The following COPG2 variants were observed in gnomAD, a reference collection of about 807,000 sequenced individuals.
COPG2 encodes coat protein complex I subunit gamma 2, also known as coatomer subunit gamma-2.
Under a neutral mutation model 46.3 loss-of-function variants are expected in COPG2, and 37 were observed. That is an observed-to-expected ratio of 0.80 (90% confidence interval 0.61 to 1.05). The LOEUF is 1.05. COPG2 is among the 50% of genes least tolerant of loss of function. COPG2 has a pLI of 0.00. For synonymous variants in COPG2, 159 were observed against 129.7 expected, an observed-to-expected ratio of 1.23 and a Z score of -1.53; for missense variants, 427 against 387.8, an observed-to-expected ratio of 1.10 and a Z score of -0.85.
chr7:130,620,160 G>GAA (rs1554453408), intron 5 of COPG2, among the ~76,000 whole-genome samples: 10 of 152,138 alleles, frequency 6.6e-5, no homozygotes, highest in African/African-American at 2.4e-4. Context: ...AATGTCAAAA[G>GAA]TTTTGCCCTC....
At chr7:130,511,050 G>T (rs1799587002) in intron 20 of COPG2, 2 of 503,006 alleles carry the variant, frequency 4.0e-6, no homozygotes, top group African/African-American at 3.9e-5. Flanking sequence ...AGATTTGTAT[G>T]AAAAGAACCC....
chr7:130,644,913 T>C (rs1554457887), intron 5 of COPG2, among the ~76,000 whole-genome samples: 2 of 151,612 alleles, frequency 1.3e-5, no homozygotes, highest in Admixed American at 6.6e-5. Flanking sequence ...AATACAAAAA[T>C]TAGCCGGGTG....
At chr7:130,640,657 C>A (rs1267986365) in intron 5 of COPG2, among the ~76,000 whole-genome samples, 6 of 152,038 alleles carry the variant, frequency 3.9e-5, no homozygotes, top group Non-Finnish European at 7.4e-5. Context: ...AAGTGTTAAT[C>A]CAAATAAATC....
intron 5 of COPG2, among the ~76,000 whole-genome samples, chr7:130,631,055 G>A (rs1358246749): frequency 2.0e-5 from 3 of 152,052 alleles, no homozygotes; most frequent in Non-Finnish European, 4.4e-5. Context: ...TTTAATTGAA[G>A]TGTTTAGAAT....
chr7:130,537,206 T>C (rs963559014), intron 20 of COPG2, among the ~76,000 whole-genome samples: 91 of 152,066 alleles, frequency 6.0e-4, no homozygotes, highest in African/African-American at 2.1e-3. Context: ...AGAGTGTTTT[T>C]CCACAGTGTG....
intron 9 of COPG2, chr7:130,610,673 C>A: frequency 1.7e-6 from 1 of 580,058 alleles, no homozygotes. Flanking sequence ...TGCCAACTTT[C>A]ATATTTAATT....
rs1026148498 is a variant in COPG2 at position 130,523,843 on chromosome 7, A to G, written c.2150-15184T>C. Among the ~76,000 whole-genome samples, 20 of 152,138 alleles carry G rather than the reference A, an allele frequency of 1.3e-4. No homozygotes were observed. In the East Asian group the frequency reaches 3.9e-3, roughly 30 times the overall value. ...GAGCGTCTTGAAGACATCGGTGCTA[A>G]GGAGGGAGGAGGCAGGAGGAGGGTG... On this transcript the variant is annotated intron_variant, in intron 20 of 23. Transcript: ENST00000425248.
chr7:130,590,825 GC>G (rs1165725241), intron 9 of COPG2, among the ~76,000 whole-genome samples: 9 of 150,530 alleles, frequency 6.0e-5, no homozygotes, highest in Non-Finnish European at 1.2e-4. Context: ...CCTCTGCCCT[GC>G]CCCCCCGTCT....
intron 9 of COPG2, chr7:130,608,185 T>C (rs1273701798): frequency 1.1e-5 from 5 of 452,302 alleles, no homozygotes; most frequent in Admixed American, 9.9e-5. Context: ...CTTATCACAG[T>C]GTATCATCAA....
chr7:130,557,815 C>A (rs2116396742), intron 12 of COPG2, among the ~76,000 whole-genome samples: 1 of 40 alleles, frequency 0.025, no homozygotes, highest in South Asian at 0.25. Flanking sequence ...GAAACTCCAT[C>A]TCAAAAAAAA....
intron 20 of COPG2, chr7:130,509,090 A>C (rs1554440655): frequency 4.4e-6 from 2 of 453,614 alleles, no homozygotes; most frequent in African/African-American, 4.1e-5. Flanking sequence ...ATTAACATTG[A>C]CCAATCTCAT....
In COPG2 at chr7:130,525,437, T is replaced by C. The variant is rs978590640; in HGVS notation, c.2150-16778A>G. ...AATGACTCAGGTTAAATGAAGGAAA[T>C]AGCATCACTGCATGGTAAGATGGCA... On this transcript the variant is annotated intron_variant, in intron 20 of 23. Coordinates refer to ENST00000425248, the MANE Select transcript of COPG2 (RefSeq NM_012133.6). Among the ~76,000 whole-genome samples, 300 of 152,152 alleles carry C rather than the reference T, an allele frequency of 2.0e-3. 4 individuals are homozygous for C. The highest frequency in any genetic ancestry group is 6.7e-3 in the African/African-American group (280 of 41,492).
chr7:130,607,356 G>C (rs1412855194), intron 9 of COPG2: 1 of 373,724 alleles, frequency 2.7e-6, no homozygotes, highest in Non-Finnish European at 5.2e-6. Context: ...ATCATATCAG[G>C]GTTAGTTTCT....
intron 9 of COPG2, among the ~76,000 whole-genome samples, chr7:130,579,827 G>C (rs1177446099): frequency 6.6e-6 from 1 of 152,112 alleles, no homozygotes; most frequent in Non-Finnish European, 1.5e-5. Flanking sequence ...CAATACAGGA[G>C]CACCCAGATT....
intron 20 of COPG2, among the ~76,000 whole-genome samples, chr7:130,537,831 G>A (rs920588670): frequency 1.3e-5 from 2 of 152,180 alleles, no homozygotes; most frequent in African/African-American, 2.4e-5. Flanking sequence ...GGTAAGACAC[G>A]GAAGGAATGA....
chr7:130,530,397 A>G (rs1799812558), intron 20 of COPG2, among the ~76,000 whole-genome samples: 1 of 152,202 alleles, frequency 6.6e-6, no homozygotes, highest in Non-Finnish European at 1.5e-5. Context: ...AGAGGAGAAA[A>G]GGCTTGAGTG....
At chr7:130,636,573 T>C (rs1795343053) in intron 5 of COPG2, among the ~76,000 whole-genome samples, 1 of 143,586 alleles carries the variant, frequency 7.0e-6, no homozygotes. Context: ...TTCATTTGCT[T>C]GGTAAATATT....
At chr7:130,642,082 CCTCAATTCT>C (rs1563068664) in intron 5 of COPG2, among the ~76,000 whole-genome samples, 2 of 151,838 alleles carry the variant, frequency 1.3e-5, no homozygotes, top group East Asian at 3.9e-4. Context: ...ATTCTCAATT[CCTCAATTCT>C]CTCAATTCTC....
At chr7:130,636,870 CT>C (rs1416800035) in intron 5 of COPG2, among the ~76,000 whole-genome samples, 2 of 152,104 alleles carry the variant, frequency 1.3e-5, no homozygotes, top group Non-Finnish European at 2.9e-5. Context: ...CTTGTTTTTC[CT>C]TTCCATATTT....
Sources: allele counts gnomAD v4.1 joint callset (sites outside exome capture counted in the v4.1 genomes callset), GRCh38; gene constraint gnomAD v4.1.1; transcripts MANE v1.5; gene names NCBI Gene and HGNC (gene_info 2026-07-23, HGNC 2026-07-21).